The following TRAPPC13 variants were observed in gnomAD, a reference collection of about 807,000 sequenced individuals.
TRAPPC13 encodes REV7-interacting novel NHEJ regulator 1.
Under a neutral mutation model 54.0 loss-of-function variants are expected in TRAPPC13, and 39 were observed. That is an observed-to-expected ratio of 0.72 (90% CI 0.56 to 0.94). TRAPPC13 has a LOEUF of 0.94. Ranked by LOEUF, TRAPPC13 falls within the 40% of genes least tolerant of loss-of-function variation. The pLI is 0.00. For missense variants in TRAPPC13, 386 were observed against 488.1 expected (o/e 0.79, Z 1.97); for synonymous variants, 148 against 167.7 (o/e 0.88, Z 0.91).
intron 1 of TRAPPC13, chr5:65,630,556 C>G: frequency 8.2e-7 from 1 of 1,219,358 alleles, no homozygotes; most frequent in Non-Finnish European, 1.0e-6. Flanking sequence ...TAAAAATGTT[C>G]TGTTCCTTTT....
At chr5:65,663,592 G>A (rs1006057267) in intron 11 of TRAPPC13, 7 of 152,178 alleles carry the variant, frequency 4.6e-5, no homozygotes, top group African/African-American at 1.7e-4. Context: ...GCCGTGAATG[G>A]TGGTAGGAGA....
intron 4 of TRAPPC13, among the ~76,000 whole-genome samples, chr5:65,642,916 A>T (rs927407708): frequency 1.3e-5 from 2 of 152,224 alleles, no homozygotes; most frequent in African/African-American, 4.8e-5. Context: ...TTAAAAATTG[A>T]TGGTGGAAGA....
chr5:65,643,782 A>C (rs975619162), intron 4 of TRAPPC13, among the ~76,000 whole-genome samples: 1 of 146,816 alleles, frequency 6.8e-6, no homozygotes, highest in Admixed American at 7.2e-5. Flanking sequence ...GTGCCACTGC[A>C]CTCCAGCCTG....
chr5:65,657,651 TTATC>T (rs1411579851), intron 8 of TRAPPC13, among the ~76,000 whole-genome samples: 1 of 152,190 alleles, frequency 6.6e-6, no homozygotes, highest in African/African-American at 2.4e-5. Flanking sequence ...ATTATCTAAT[TTATC>T]TAATTATTAA....
chr5:65,627,982 T>C (rs1036326029), intron 1 of TRAPPC13, among the ~76,000 whole-genome samples: 21 of 152,204 alleles, frequency 1.4e-4, no homozygotes, highest in African/African-American at 4.6e-4. Flanking sequence ...GGGAGAACCC[T>C]CATCAAGTAA....
intron 5 of TRAPPC13, among the ~76,000 whole-genome samples, chr5:65,650,334 G>C (rs1349197088): frequency 6.6e-6 from 1 of 151,240 alleles, no homozygotes; most frequent in East Asian, 1.9e-4. Flanking sequence ...GCTAATTTTT[G>C]TAATTTTAGT....
At chr5:65,641,195 A>G (rs368296633) in intron 4 of TRAPPC13, among the ~76,000 whole-genome samples, 1 of 152,078 alleles carries the variant, frequency 6.6e-6, no homozygotes. Context: ...CAGCCTCCCA[A>G]AGTGCTGGAA....
intron 8 of TRAPPC13, among the ~76,000 whole-genome samples, chr5:65,656,456 A>T (rs1756654384): frequency 6.6e-6 from 1 of 152,128 alleles, no homozygotes; most frequent in African/African-American, 2.4e-5. Context: ...CCATTAAATG[A>T]TGCATTTTTT....
Position 65,637,736 on chromosome 5 carries a change from G to T in TRAPPC13, c.256G>T (p.Val86Phe). The change falls in exon 4 of 13, where the codon GTT becomes TTT. Residue 86 changes from valine to phenylalanine, a missense_variant. Physicochemically the swap from Val to Phe is conservative, Grantham distance 50 (BLOSUM62 -1). Coordinates refer to ENST00000399438, the MANE Select transcript of TRAPPC13 (RefSeq NM_024941.4). ...AGAGACCTTTTCCAGTTATATCAGCGTTCATAATGATAGCAATCAAGTTGT... is the reference window on the plus strand; with the variant it reads ...AGAGACCTTTTCCAGTTATATCAGCTTTCATAATGATAGCAATCAAGTTGT... ...LGETFSSYISVHNDSNQVVKD... is the reference protein window; with the variant it reads ...LGETFSSYISFHNDSNQVVKD... 1 of 1,572,416 alleles carries T rather than the reference G, an allele frequency of 6.4e-7. No homozygotes were observed. Among genetic ancestry groups the T allele is most frequent in the East Asian group, 2.3e-5 (1 of 44,074 alleles).
intron 5 of TRAPPC13, among the ~76,000 whole-genome samples, chr5:65,648,624 C>T (rs968501122): frequency 6.6e-6 from 1 of 152,132 alleles, no homozygotes; most frequent in Non-Finnish European, 1.5e-5. Context: ...TTACTGTGAG[C>T]ACTTAGAAGG....
chr5:65,648,958 T>TA (rs895391321), intron 5 of TRAPPC13, among the ~76,000 whole-genome samples: 6 of 152,172 alleles, frequency 3.9e-5, no homozygotes, highest in African/African-American at 1.4e-4. Context: ...CTCATGCCTG[T>TA]AATCCCTAAT....
intron 4 of TRAPPC13, among the ~76,000 whole-genome samples, chr5:65,643,054 CT>C (rs940465663): frequency 6.6e-6 from 1 of 151,930 alleles, no homozygotes; most frequent in East Asian, 1.9e-4. Context: ...AAATTAAAAA[CT>C]TTTTTTATAT....
At position 65,660,785 on chromosome 5, in the gene TRAPPC13, C is replaced by A. The variant is rs544594169; in HGVS notation, c.785C>A (p.Ala262Glu). 1 of 1,613,468 alleles carries A rather than the reference C, an allele frequency of 6.2e-7. No homozygotes were observed. The highest frequency in any genetic ancestry group is 1.3e-5 in the African/African-American group (1 of 74,960). The stretch of plus-strand genomic sequence containing the variant: ...TGCCTAAAGCCAAAGAATGAATTTG[C>A]AGAAAAAGCAGGCATCATTAAGGGA... ...LYCLKPKNEF[A>E]EKAGIIKGVT... The change falls in exon 10 of 13, where the codon GCA becomes GAA. Residue 262 changes from alanine (A) to glutamate (E), a missense_variant. Ala to Glu is a moderately radical substitution (Grantham distance 107, BLOSUM62 -1). Coordinates refer to ENST00000399438, the MANE Select transcript of TRAPPC13 (RefSeq NM_024941.4).
At chr5:65,651,855 T>TG (rs1756462955) in intron 6 of TRAPPC13, among the ~76,000 whole-genome samples, 95 of 100,744 alleles carry the variant, frequency 9.4e-4, no homozygotes, top group African/African-American at 4.8e-3. Context: ...TTTTTTTTTT[T>TG]TTTTTTTTTT....
intron 4 of TRAPPC13, among the ~76,000 whole-genome samples, chr5:65,639,924 G>A (rs1378613141): frequency 6.6e-6 from 1 of 152,240 alleles, no homozygotes; most frequent in Admixed American, 6.5e-5. Flanking sequence ...GATGAGTTCA[G>A]GTAATTGGAG....
At chr5:65,641,663 A>T (rs1755968270) in intron 4 of TRAPPC13, among the ~76,000 whole-genome samples, 1 of 151,446 alleles carries the variant, frequency 6.6e-6, no homozygotes, top group Non-Finnish European at 1.5e-5. Context: ...GTGAGCTATA[A>T]TTGTGCCACT....
Position 65,662,064 on chromosome 5 carries a change from A to C in TRAPPC13, c.912A>C (p.Gly304=), listed in dbSNP as rs1350024939. 1.2e-6 allele frequency: 2 copies of C among 1,605,424 alleles called. No homozygotes were observed. Among genetic ancestry groups the C allele is most frequent in the Non-Finnish European group, 1.7e-6 (2 of 1,176,674 alleles). The stretch of plus-strand genomic sequence containing the variant: ...TGTTTTCTTAGGCTCCAGGTTATGG[A>C]GATGTTAGGTTGTCTTTGGAGGCAA... ...SQLQRMAPGY[G]DVRLSLEAIP... is the part of the protein sequence containing the mutation. The change falls in exon 11 of 13, where the codon GGA becomes GGC. Residue 304 remains glycine (G), a synonymous_variant. Coordinates refer to ENST00000399438, the MANE Select transcript of TRAPPC13 (RefSeq NM_024941.4).
rs746829323 is a variant in TRAPPC13 at position 65,646,849 on chromosome 5, A to T, written c.301-206A>T. 2.6e-5 allele frequency among the ~76,000 whole-genome samples: 4 copies of T among 151,102 alleles called. No individual in the cohort carries two copies. The highest frequency in any genetic ancestry group is 4.2e-4 in the South Asian group (2 of 4,740). ...AATTCCTGCTTGATCTTATTTATTT[A>T]TTTTTTTGGGGTTGGGGGGGTGTGC... On this transcript the variant is annotated intron_variant, in intron 4 of 12. Coordinates refer to ENST00000399438, the MANE Select transcript of TRAPPC13 (RefSeq NM_024941.4).
intron 1 of TRAPPC13, among the ~76,000 whole-genome samples, chr5:65,626,758 T>C (rs1000155940): frequency 6.6e-6 from 1 of 152,012 alleles, no homozygotes; most frequent in Non-Finnish European, 1.5e-5. Context: ...AACAAAAAGT[T>C]AAATTCCAGT....
Sources: allele counts gnomAD v4.1 joint callset (sites outside exome capture counted in the v4.1 genomes callset), GRCh38; gene constraint gnomAD v4.1.1; transcripts MANE v1.5; gene names NCBI Gene and HGNC (gene_info 2026-07-23, HGNC 2026-07-21).